Variants in ANO6 observed in about 807,000 individuals in gnomAD.
ANO6 encodes anoctamin-6.
ANO6 carries 106 observed loss-of-function variants against 117.5 expected under a neutral mutation model. That is an observed-to-expected ratio of 0.90 (90% CI 0.77 to 1.06). ANO6 has a LOEUF of 1.06. Ranked by LOEUF, ANO6 falls within the 50% of genes least tolerant of loss-of-function variation. The pLI, the probability that ANO6 is intolerant of heterozygous loss-of-function variation, is 0.00. For synonymous variants in ANO6, 367 were observed against 385.1 expected, an observed-to-expected ratio of 0.95 and a Z score of 0.55; for missense variants, 955 against 1,121.1, an observed-to-expected ratio of 0.85 and a Z score of 2.12.
intron 1 of ANO6, among the ~76,000 whole-genome samples, chr12:45,246,542 T>G (rs57516582): frequency 0.01 from 1,584 of 152,016 alleles, 30 homozygotes; most frequent in African/African-American, 0.036. Flanking sequence ...GCTGTGGAAG[T>G]AGATGTAGAG....
chr12:45,413,037 A>G (rs1392439775), intron 16 of ANO6, among the ~76,000 whole-genome samples: 1 of 152,258 alleles, frequency 6.6e-6, no homozygotes, highest in Non-Finnish European at 1.5e-5. Context: ...GGCAGGGGCC[A>G]TATCATGATG....
intron 1 of ANO6, among the ~76,000 whole-genome samples, chr12:45,284,173 G>C (rs552028604): frequency 6.6e-6 from 1 of 152,196 alleles, no homozygotes; most frequent in Non-Finnish European, 1.5e-5. Context: ...GATCTAATGC[G>C]AATAGACAGA....
intron 1 of ANO6, among the ~76,000 whole-genome samples, chr12:45,238,835 G>A (rs1225650083): frequency 6.6e-6 from 1 of 152,146 alleles, no homozygotes; most frequent in Non-Finnish European, 1.5e-5. Context: ...TTATGTGATG[G>A]ATTACGTTTA....
chr12:45,240,895 T>C (rs181690686), intron 1 of ANO6, among the ~76,000 whole-genome samples: 1 of 152,352 alleles, frequency 6.6e-6, no homozygotes, highest in Admixed American at 6.5e-5. Flanking sequence ...CTTTTCTGGC[T>C]GTAGGGTTTC....
At chr12:45,256,448 T>A (rs1937831597) in intron 1 of ANO6, 1 of 152,226 alleles carries the variant, frequency 6.6e-6, no homozygotes, top group South Asian at 2.1e-4. Flanking sequence ...CTACTGTTAA[T>A]CATTACAAAA....
intron 1 of ANO6, among the ~76,000 whole-genome samples, chr12:45,299,496 C>G (rs1939409477): frequency 6.6e-6 from 1 of 152,182 alleles, no homozygotes. Flanking sequence ...ACTGGCATTT[C>G]TTTTCAATTC....
chr12:45,384,020 G>C (rs1415493899), intron 10 of ANO6, among the ~76,000 whole-genome samples: 1 of 152,204 alleles, frequency 6.6e-6, no homozygotes, highest in Non-Finnish European at 1.5e-5. Flanking sequence ...CTGTTGTGTG[G>C]CTACCTTCAT....
chr12:45,266,784 A>G (rs1341970871), intron 1 of ANO6, among the ~76,000 whole-genome samples: 1 of 149,574 alleles, frequency 6.7e-6, no homozygotes. Context: ...GTGACAGAAC[A>G]AGACCCTGTC....
chr12:45,257,291 A>G (rs543248196), intron 1 of ANO6, among the ~76,000 whole-genome samples: 14 of 152,114 alleles, frequency 9.2e-5, no homozygotes, highest in Non-Finnish European at 1.9e-4. Flanking sequence ...CATCCAGGCC[A>G]TCTCCACCAG....
Position 45,348,553 on chromosome 12 carries a change from G to C in ANO6, c.669G>C (p.Val223=). Residue 223 remains valine, a synonymous_variant, in exon 6 of 20, where the codon GTG becomes GTC. Coordinates refer to ENST00000320560, the MANE Select transcript of ANO6 (RefSeq NM_001025356.3). ...YFILSRVKYQ[V]INNVSKFGIN... is the part of the protein sequence containing the mutation. ...TCCTCTCTCGGGTCAAGTATCAAGT[G>C]ATAAACAATGTTAGCAAGTTTGGGA... is the stretch of plus-strand genomic sequence containing the variant. 6.2e-7 allele frequency: 1 copy of C among 1,613,992 alleles called. No homozygotes were observed. Among genetic ancestry groups the C allele is most frequent in the East Asian group, 2.2e-5 (1 of 44,868 alleles).
intron 1 of ANO6, among the ~76,000 whole-genome samples, chr12:45,272,403 T>C (rs914296366): frequency 4.6e-5 from 7 of 152,206 alleles, no homozygotes; most frequent in African/African-American, 1.7e-4. Flanking sequence ...CTTTTATAAC[T>C]ACCCTGCAAA....
chr12:45,433,372 G>C (rs1459640577), downstream of ANO6, among the ~76,000 whole-genome samples: 3 of 152,158 alleles, frequency 2.0e-5, no homozygotes, highest in African/African-American at 4.8e-5. Context: ...CCGATACAAG[G>C]GCAGTGGATG....
intron 3 of ANO6, among the ~76,000 whole-genome samples, chr12:45,344,053 T>C (rs1941060353): frequency 6.6e-6 from 1 of 152,166 alleles, no homozygotes; most frequent in Admixed American, 6.5e-5. Flanking sequence ...GGATGTGGGC[T>C]CTTGTAGGAG....
downstream of ANO6, among the ~76,000 whole-genome samples, chr12:45,436,526 A>T (rs1943708907): frequency 6.6e-6 from 1 of 152,202 alleles, no homozygotes; most frequent in African/African-American, 2.4e-5. Context: ...CAGGGTGTAT[A>T]AGAAACCACA....
chr12:45,256,688 T>A (rs1226278827), intron 1 of ANO6: 1 of 152,246 alleles, frequency 6.6e-6, no homozygotes, highest in East Asian at 1.9e-4. Context: ...ATTAAATTCC[T>A]TGATTAACTG....
chr12:45,374,890 A>G (rs140748658), intron 9 of ANO6, among the ~76,000 whole-genome samples: 2,481 of 152,156 alleles, frequency 0.016, 63 homozygotes, highest in African/African-American at 0.055. Flanking sequence ...AGGGTATTCA[A>G]TTAGGAAAAG....
At chr12:45,426,863 G>T (rs1467783578) in intron 19 of ANO6, among the ~76,000 whole-genome samples, 1 of 151,710 alleles carries the variant, frequency 6.6e-6, no homozygotes, top group East Asian at 2.0e-4. Context: ...TATGCTAAAA[G>T]GACCTTAAAA....
At chr12:45,386,744 C>A (rs991919551) in intron 10 of ANO6, among the ~76,000 whole-genome samples, 2 of 152,266 alleles carry the variant, frequency 1.3e-5, no homozygotes, top group African/African-American at 4.8e-5. Flanking sequence ...TCACTTACTA[C>A]CAGATTATTT....
chr12:45,273,915 A>G (rs911972077), intron 1 of ANO6, among the ~76,000 whole-genome samples: 12 of 152,334 alleles, frequency 7.9e-5, no homozygotes, highest in Non-Finnish European at 1.3e-4. Flanking sequence ...TTCATTCATC[A>G]TGAGTCACAG....
Sources: gnomAD v4.1 joint callset for allele counts (sites outside exome capture counted in the v4.1 genomes callset) on GRCh38, gnomAD v4.1.1 for gene constraint, MANE v1.5 for transcripts, NCBI Gene and HGNC (gene_info 2026-07-23, HGNC 2026-07-21) for gene names.